Variants in MSLN observed in about 807,000 individuals in gnomAD.
The protein encoded by MSLN is CAK1 antigen.
Under a neutral mutation model 72.6 loss-of-function variants are expected in MSLN, and 82 were observed. The observed-to-expected ratio is 1.13, with a 90% CI of 0.94 to 1.36. The LOEUF (loss-of-function observed/expected upper bound fraction) is 1.36, where lower values mean the gene tolerates loss of function less well. Among genes scored for constraint, MSLN ranks in the 40% most tolerant of loss-of-function variants. The probability of loss-of-function intolerance (pLI) is 0.00; values close to 1 mark genes in which losing one functional copy is unlikely to be tolerated. For synonymous variants in MSLN, 456 were observed against 387.3 expected, an observed-to-expected ratio of 1.18 and a Z score of -2.08; for missense variants, 1,005 against 847.9, an observed-to-expected ratio of 1.19 and a Z score of -2.30.
In MSLN at chr16:762,734, C is replaced by T. The variant is rs200848633; in HGVS notation, c.54C>T (p.Leu18=). The T allele has an allele frequency of 3.6e-5, 58 of 1,602,230 alleles. No homozygotes were observed. Among genetic ancestry groups the T allele is most frequent in the South Asian group, 2.1e-4 (19 of 89,556 alleles). The change falls in exon 3 of 18, where the codon CTC becomes CTT. Residue 18 remains leucine, a synonymous_variant. Transcript: ENST00000545450. ...PLLGSCGTPA[L]GSLLFLLFSL... ...TGGGGTCCTGTGGGACCCCCGCCCT[C>T]GGCAGCCTCCTGTTCCTGCTCTTCA... is the stretch of plus-strand genomic sequence containing the variant.
Position 766,767 on chromosome 16 carries a change from C to G in MSLN, c.1330C>G (p.Leu444Val). 1 of 1,612,666 alleles carries G rather than the reference C, an allele frequency of 6.2e-7. No homozygotes were observed. Among genetic ancestry groups the G allele is most frequent in the South Asian group, 1.1e-5 (1 of 91,084 alleles). The stretch of plus-strand genomic sequence containing the variant: ...CTTCTACCCTGGGTACCTGTGCTCC[C>G]TCAGCCCCGAGGAGCTGAGCTCCGT... ...TAFYPGYLCS[L>V]SPEELSSVPP... is the part of the protein sequence containing the mutation. The change falls in exon 14 of 18, where the codon CTC (leucine) becomes GTC (valine). Residue 444 changes from leucine (L) to valine (V), a missense_variant. Leu to Val is a conservative substitution (Grantham distance 32). Transcript: ENST00000545450.
At chr16:764,279 G>T in intron 6 of MSLN, 136 bp downstream of exon 6, 1 of 1,313,574 alleles carries the variant, frequency 7.6e-7, no homozygotes, top group Non-Finnish European at 1.0e-6. Context: ...TCTTCCCAGA[G>T]TTCCTCTGGC....
At chr16:765,351 A>G (rs1203515372) in intron 9 of MSLN, 48 bp downstream of exon 9, 1 of 1,494,788 alleles carries the variant, frequency 6.7e-7, no homozygotes, top group African/African-American at 1.4e-5. Context: ...GCGGCGTGGT[A>G]TCAGCAGCGT....
Position 765,263 on chromosome 16 carries a change from G to T in MSLN, c.664G>T (p.Ala222Ser), listed in dbSNP as rs758118562. Residue 222 changes from alanine (A) to serine (S), a missense_variant, in exon 9 of 18, where the codon GCA becomes TCA. Coordinates refer to ENST00000545450, the MANE Select transcript of MSLN (RefSeq NM_005823.6). ...ACCCCTGGACCAGGACCAGCAGGAG[G>T]CAGCCAGGGCGGCTCTGCAGGGCGG... ...PGPLDQDQQE[A>S]ARAALQGGGP... 2 of 1,584,784 alleles carry T rather than the reference G, an allele frequency of 1.3e-6. No individual in the cohort carries two copies. Among genetic ancestry groups the T allele is most frequent in the Non-Finnish European group, 1.7e-6 (2 of 1,172,126 alleles).
chr16:766,054 T>C lies in MSLN; in HGVS notation c.896-5T>C. 6.2e-7 allele frequency: 1 copy of C among 1,605,922 alleles called. No homozygotes were observed. The highest frequency in any genetic ancestry group is 2.2e-5 in the East Asian group (1 of 44,564). ...GCCCTGACCCCTGACCCCTGTGCCC[T>C]GCAGAGACAGCCTGTCCTTCAGGCA... On this transcript the variant is annotated splice_polypyrimidine_tract_variant and splice_region_variant and intron_variant, in intron 11 of 17. Coordinates refer to ENST00000545450, the MANE Select transcript of MSLN (RefSeq NM_005823.6).
In MSLN at chr16:766,730, C is replaced by T. The variant is rs140302136; in HGVS notation, c.1293C>T (p.Asp431=). The change falls in exon 14 of 18, where the codon GAC becomes GAT. Residue 431 remains aspartate, a synonymous_variant. Transcript: ENST00000545450. ...GRGQLDKDTL[D]TLTAFYPGYL... is the part of the protein sequence containing the mutation. ...GCCAGCTAGACAAAGACACCCTAGA[C>T]ACCCTGACCGCCTTCTACCCTGGGT... The T allele has an allele frequency of 1.7e-5, 27 of 1,612,660 alleles. No homozygotes were observed. The highest frequency in any genetic ancestry group is 1.2e-4 in the Admixed American group (7 of 60,010).
rs146534761 is a variant in MSLN, at chr16:766,099, C to A, written c.936C>A (p.Asp312Glu). Residue 312 changes from aspartate (D) to glutamate (E), a missense_variant, in exon 12 of 18, where the codon GAC becomes GAA. Physicochemically the swap from Asp to Glu is conservative, Grantham distance 45. Transcript: ENST00000545450. ...CPSGKKAREI[D>E]ESLIFYKKWE... is the part of the protein sequence containing the mutation. ...CAGGCAAGAAGGCCCGCGAGATAGA[C>A]GAGAGCCTCATCTTCTACAAGAAGT... 2 of 1,612,450 alleles carry A rather than the reference C, an allele frequency of 1.2e-6. No homozygotes were observed. Among genetic ancestry groups the A allele is most frequent in the African/African-American group, 2.7e-5 (2 of 74,938 alleles).
At position 767,208 on chromosome 16, in the gene MSLN, TCCAGGGTCTCCCACG is replaced by T. The variant is rs1449038031; in HGVS notation, c.1502-165_1502-151del. On this transcript the variant is annotated intron_variant, in intron 15 of 17. Coordinates refer to ENST00000545450, the MANE Select transcript of MSLN (RefSeq NM_005823.6). ...ACCCCAGCTCGGGGCGCCAGCCACC[TCCAGGGTCTCCCACG>T]CCTGGGGGTCAGGCGGCTAGGCAAA... Among the ~76,000 whole-genome samples, 7 of 151,984 alleles carry T rather than the reference TCCAGGGTCTCCCACG, an allele frequency of 4.6e-5. No individual in the cohort carries two copies. In the East Asian group the frequency reaches 1.2e-3, roughly 26 times the overall value.
At chr16:767,343 G>C (rs768038988) in intron 15 of MSLN, 33 bp from the exon 16 acceptor site, 1 of 1,583,068 alleles carries the variant, frequency 6.3e-7, no homozygotes, top group South Asian at 1.1e-5. Context: ...TGTGAGGTGA[G>C]GCCTCAGCTC....
Position 765,388 on chromosome 16 carries a change from G to A in MSLN, c.704+85G>A. 5 of 1,436,302 alleles carry A rather than the reference G, an allele frequency of 3.5e-6. No homozygotes were observed. The South Asian group carries it at 6.8e-5, about 20-fold the overall frequency. The allele number at this position is 1,436,302 out of a possible 1,614,324, so 89.0% of individuals were successfully genotyped here. The stretch of plus-strand genomic sequence containing the variant: ...AGGACACTTGCGGCCATGCCTCAAG[G>A]CCCAGGGTCAGTCACCCCCGCCACC... On this transcript the variant is annotated intron_variant, in intron 9 of 17. Transcript: ENST00000545450.
At chr16:761,812 C>T (rs921675742) in intron 2 of MSLN, among the ~76,000 whole-genome samples, 13 of 152,342 alleles carry the variant, frequency 8.5e-5, no homozygotes, top group African/African-American at 2.2e-4. Context: ...TGAGCATGAG[C>T]GTGTGACCCC....
chr16:764,596 C>CA, intron 6 of MSLN, 51 bp from the exon 7 acceptor site: 1 of 1,495,374 alleles, frequency 6.7e-7, no homozygotes, highest in Non-Finnish European at 9.3e-7. Context: ...CCTGGCCCAC[C>CA]ATGTGAGTGG....
In MSLN at chr16:767,377, TG is replaced by T; in HGVS notation, c.1507del (p.Ala503ProfsTer6). 1 of 1,609,894 alleles carries T rather than the reference TG, an allele frequency of 6.2e-7. No individual in the cohort carries two copies. Among genetic ancestry groups the T allele is most frequent in the Non-Finnish European group, 8.5e-7 (1 of 1,178,930 alleles). ...TCGGGCCCCTCTCCCGGCGGGCAGGTGGGGCCCCCACGGAGGATTTGAAGGC... is the reference window on the plus strand; with the variant it reads ...TCGGGCCCCTCTCCCGGCGGGCAGGTGGGCCCCCACGGAGGATTTGAAGGC... ...YFVKIQSFLG[G>X]APTEDLKALS... is the part of the protein sequence containing the mutation. On this transcript the variant is annotated frameshift_variant and splice_region_variant, in exon 16 of 18. Transcript: ENST00000545450. LOFTEE classifies it high-confidence loss of function.
chr16:763,138 TG>T, intron 3 of MSLN, 94 bp from the exon 4 acceptor site: 2 of 791,460 alleles, frequency 2.5e-6, no homozygotes, highest in Admixed American at 2.7e-5. Flanking sequence ...GGGCTGGCTG[TG>T]GGGGCGGCCA....
rs1297324993 is a variant in MSLN, at chr16:763,245, C to T, written c.98C>T (p.Pro33Leu). 3.9e-6 allele frequency: 6 copies of T among 1,542,720 alleles called. No homozygotes were observed. In the Admixed American group the frequency reaches 1.2e-4, roughly 32 times the overall value. The change falls in exon 4 of 18, where the codon CCC becomes CTC. Residue 33 changes from proline to leucine, a missense_variant. Physicochemically the swap from Pro to Leu is moderately conservative, Grantham distance 98. Coordinates refer to ENST00000545450, the MANE Select transcript of MSLN (RefSeq NM_005823.6). ...FLLFSLGWVQ[P>L]SRTLAGETGQ... Reference sequence around the variant, plus strand: ...TCTGCCCCTTTAGGATGGGTGCAGCCCTCGAGGACCCTGGCTGGAGAGACA... The same window carrying T: ...TCTGCCCCTTTAGGATGGGTGCAGCTCTCGAGGACCCTGGCTGGAGAGACA...
intron 3 of MSLN, 47 bp downstream of exon 3, chr16:762,812 C>T: frequency 6.9e-7 from 1 of 1,455,834 alleles, no homozygotes; most frequent in Non-Finnish European, 9.2e-7. Flanking sequence ...GGCCCAGGGG[C>T]CTTGGGGGCC....
intron 12 of MSLN, 33 bp downstream of exon 12, chr16:766,270 T>C: frequency 6.2e-7 from 1 of 1,609,022 alleles, no homozygotes; most frequent in Non-Finnish European, 8.5e-7. Flanking sequence ...ACCGGCCTGC[T>C]GTGTCCAAGC....
chr16:768,508 C>T lies in MSLN; in HGVS notation c.1726C>T (p.Leu576=), dbSNP rs775163684. 1.3e-6 allele frequency: 2 copies of T among 1,594,344 alleles called. No individual in the cohort carries two copies. Among genetic ancestry groups the T allele is most frequent in the African/African-American group, 1.3e-5 (1 of 74,544 alleles). The change falls in exon 17 of 18, where the codon CTG becomes TTG. Residue 576 remains leucine, a synonymous_variant. Transcript: ENST00000545450. ...GCAGGACGACCTGGACACGCTGGGG[C>T]TGGGGCTACAGGGCGGCATCCCCAA... ...QRQDDLDTLG[L]GLQGGIPNGY...
At chr16:765,423 A>C in intron 9 of MSLN, 104 bp from the exon 10 acceptor site, 1 of 1,412,638 alleles carries the variant, frequency 7.1e-7, no homozygotes, top group Non-Finnish European at 9.5e-7. Flanking sequence ...CACCCCTGCC[A>C]ATGCCCCCAG....
Sources: allele counts gnomAD v4.1 joint callset (sites outside exome capture counted in the v4.1 genomes callset), GRCh38; gene constraint gnomAD v4.1.1; transcripts MANE v1.5; gene names NCBI Gene and HGNC (gene_info 2026-07-23, HGNC 2026-07-21).